Variants in GPR158 observed in about 807,000 individuals in gnomAD.
GPR158 encodes the protein metabotropic glycine receptor.
GPR158 carries 30 observed loss-of-function variants against 78.2 expected under a neutral mutation model. That is an observed-to-expected ratio of 0.38 (90% CI 0.29 to 0.52). GPR158 has a LOEUF of 0.52. GPR158 is among the 20% of genes least tolerant of loss of function. The probability of loss-of-function intolerance (pLI) is 0.83; values close to 1 mark genes in which losing one functional copy is unlikely to be tolerated. For synonymous variants in GPR158, 581 were observed against 591.1 expected, an observed-to-expected ratio of 0.98 and a Z score of 0.25; for missense variants, 1,463 against 1,523.5, an observed-to-expected ratio of 0.96 and a Z score of 0.66.
chr10:25,388,974 AC>A (rs1834257731), intron 2 of GPR158, among the ~76,000 whole-genome samples: 1 of 152,180 alleles, frequency 6.6e-6, no homozygotes, highest in Non-Finnish European at 1.5e-5. Context: ...AGCCCCTGCC[AC>A]CTTGGCCCCC....
intron 5 of GPR158, among the ~76,000 whole-genome samples, chr10:25,495,623 G>A (rs3005182): frequency 0.5 from 75,639 of 151,584 alleles, 19,439 homozygotes; most frequent in East Asian, 0.79. Context: ...ATGCTACCAT[G>A]TCATTCAACA....
intron 1 of GPR158, among the ~76,000 whole-genome samples, chr10:25,196,676 C>T (rs1319576647): frequency 6.6e-6 from 1 of 152,194 alleles, no homozygotes; most frequent in Non-Finnish European, 1.5e-5. Flanking sequence ...CTCTGCCCCA[C>T]CCTGGACCTT....
intron 2 of GPR158, chr10:25,244,535 C>G (rs1185337040): frequency 1.3e-5 from 2 of 152,180 alleles, no homozygotes. Flanking sequence ...CTAGAGGAAT[C>G]TAGAAGTATC....
At chr10:25,240,071 A>C (rs1050045344) in intron 2 of GPR158, among the ~76,000 whole-genome samples, 1 of 152,246 alleles carries the variant, frequency 6.6e-6, no homozygotes, top group East Asian at 1.9e-4. Context: ...ACTCTACTAC[A>C]TATTTCCAAA....
chr10:25,399,373 A>G (rs556209847), intron 3 of GPR158, among the ~76,000 whole-genome samples: 1 of 152,266 alleles, frequency 6.6e-6, no homozygotes, highest in Admixed American at 6.5e-5. Flanking sequence ...TCTGCCTCCT[A>G]TCAGATCAGT....
rs1236360166 is a variant in GPR158 at position 25,412,454 on chromosome 10, A to G, written c.1316A>G (p.Tyr439Cys). 3.7e-6 allele frequency: 6 copies of G among 1,613,416 alleles called. No individual in the cohort carries two copies. Among genetic ancestry groups the G allele is most frequent in the African/African-American group, 2.7e-5 (2 of 74,926 alleles). ...GACTTCGTTAGCATGCTGGTGGTCT[A>G]CCACTTTCGCAAAGCAAAGGTAAAC... ...LLDFVSMLVV[Y>C]HFRKAKSIRA... is the part of the protein sequence containing the mutation. Residue 439 changes from tyrosine (Y) to cysteine (C), a missense_variant, in exon 4 of 11, where the codon TAC (tyrosine) becomes TGC (cysteine). Coordinates refer to ENST00000376351, the MANE Select transcript of GPR158 (RefSeq NM_020752.3).
chr10:25,497,548 G>A (rs1447896170), intron 5 of GPR158, among the ~76,000 whole-genome samples: 1 of 152,000 alleles, frequency 6.6e-6, no homozygotes, highest in African/African-American at 2.4e-5. Flanking sequence ...TAGACAGATT[G>A]GAACAAGTAT....
chr10:25,245,187 T>C (rs113601193), intron 2 of GPR158, among the ~76,000 whole-genome samples: 117 of 152,348 alleles, frequency 7.7e-4, no homozygotes, highest in African/African-American at 2.5e-3. Flanking sequence ...GCCAGTTCAC[T>C]GGAAGGAGAA....
At chr10:25,394,054 A>C (rs1319744643) in intron 2 of GPR158, among the ~76,000 whole-genome samples, 1 of 152,198 alleles carries the variant, frequency 6.6e-6, no homozygotes, top group African/African-American at 2.4e-5. Context: ...CATTTCCAAA[A>C]CTGAACTTCT....
At position 25,438,905 on chromosome 10, in the gene GPR158, A is replaced by C. The variant is rs577791511; in HGVS notation, c.1335+26432A>C. On this transcript the variant is annotated intron_variant, in intron 4 of 10. Transcript: ENST00000376351. ...AAAAATCAAATGAGAAAAATATTTTATGACCTATGAAAATTATATGAAATT... is the reference window on the plus strand; with the variant it reads ...AAAAATCAAATGAGAAAAATATTTTCTGACCTATGAAAATTATATGAAATT... Among the ~76,000 whole-genome samples the C allele has an allele frequency of 2.6e-5, 4 of 152,358 alleles. No individual in the cohort carries two copies. The South Asian group carries it at 6.2e-4, about 24-fold the overall frequency.
chr10:25,221,820 A>G (rs1272223926), intron 2 of GPR158, among the ~76,000 whole-genome samples: 2 of 152,174 alleles, frequency 1.3e-5, no homozygotes, highest in Non-Finnish European at 2.9e-5. Context: ...TCCATTTCCA[A>G]GGTCCTCAAA....
intron 2 of GPR158, among the ~76,000 whole-genome samples, chr10:25,301,583 G>A (rs1292977628): frequency 6.6e-6 from 1 of 151,926 alleles, no homozygotes; most frequent in South Asian, 2.1e-4. Context: ...GGATTGTGAG[G>A]AATTTGTGAA....
chr10:25,329,747 C>T (rs934984279), intron 2 of GPR158, among the ~76,000 whole-genome samples: 4 of 151,876 alleles, frequency 2.6e-5, no homozygotes, highest in African/African-American at 9.7e-5. Context: ...GCAGATCTCA[C>T]AACTAGTCAA....
intron 5 of GPR158, among the ~76,000 whole-genome samples, chr10:25,545,861 T>A (rs1442401445): frequency 1.3e-5 from 2 of 152,166 alleles, no homozygotes; most frequent in African/African-American, 4.8e-5. Flanking sequence ...GGAATGGACG[T>A]GCAATCAAGA....
At chr10:25,194,585 G>A (rs1487352584) in intron 1 of GPR158, among the ~76,000 whole-genome samples, 1 of 152,020 alleles carries the variant, frequency 6.6e-6, no homozygotes, top group East Asian at 1.9e-4. Flanking sequence ...GAAGTGAGAC[G>A]ACTTGGAGGA....
intron 3 of GPR158, among the ~76,000 whole-genome samples, chr10:25,397,245 A>T (rs1315184738): frequency 6.6e-6 from 1 of 152,234 alleles, no homozygotes; most frequent in Non-Finnish European, 1.5e-5. Context: ...TTCCTACTCC[A>T]GAAAATGTCA....
At chr10:25,352,665 G>C (rs1016529240) in intron 2 of GPR158, among the ~76,000 whole-genome samples, 4 of 151,994 alleles carry the variant, frequency 2.6e-5, no homozygotes, top group Non-Finnish European at 5.9e-5. Context: ...GCTTGTGCCA[G>C]ATTAAAGACA....
rs765697184 is a variant in GPR158 at position 25,551,013 on chromosome 10, G to A, written c.1442G>A (p.Cys481Tyr). The change falls in exon 6 of 11, where the codon TGT becomes TAT. Residue 481 changes from cysteine to tyrosine, a missense_variant. Cys to Tyr is a radical substitution (Grantham distance 194, BLOSUM62 -2). Transcript: ENST00000376351. The part of the protein sequence containing the change: ...ILYFEPSTFR[C>Y]ILLRWARLLG... The stretch of plus-strand genomic sequence containing the variant: ...TACTTTGAGCCAAGCACATTTCGCT[G>A]TATTCTCCTAAGATGGGCTCGTCTT... 1.9e-6 allele frequency: 3 copies of A among 1,610,394 alleles called. No individual in the cohort carries two copies. The highest frequency in any genetic ancestry group is 2.5e-6 in the Non-Finnish European group (3 of 1,176,778).
chr10:25,285,971 C>T (rs1425861508), intron 2 of GPR158, among the ~76,000 whole-genome samples: 1 of 152,176 alleles, frequency 6.6e-6, no homozygotes, highest in Non-Finnish European at 1.5e-5. Context: ...TTCTGACTTG[C>T]AGTGCTTCTT....
Sources: gnomAD v4.1 joint callset for allele counts (sites outside exome capture counted in the v4.1 genomes callset) on GRCh38, gnomAD v4.1.1 for gene constraint, MANE v1.5 for transcripts, NCBI Gene and HGNC (gene_info 2026-07-23, HGNC 2026-07-21) for gene names.